DYNC1LI1: variants seen among roughly 807,000 people sequenced by gnomAD.
The protein encoded by DYNC1LI1 is cytoplasmic dynein 1 light intermediate chain 1.
A neutral mutation model predicts 63.8 loss-of-function variants in DYNC1LI1; 19 were observed. That is an observed-to-expected ratio of 0.30 (90% confidence interval 0.21 to 0.44). The LOEUF is 0.44. Among genes scored for constraint, DYNC1LI1 ranks in the 20% least tolerant of loss-of-function variants. DYNC1LI1 has a pLI of 1.00. For synonymous variants in DYNC1LI1, 225 were observed against 232.3 expected (o/e 0.97, Z 0.28); for missense variants, 565 against 630.2 (o/e 0.90, Z 1.11).
intron 4 of DYNC1LI1, among the ~76,000 whole-genome samples, chr3:32,543,638 C>CCTCGTGA (rs1697912830): frequency 6.7e-6 from 1 of 150,318 alleles, no homozygotes; most frequent in South Asian, 2.1e-4. Flanking sequence ...GAACTCCTAA[C>CCTCGTGA]CTCGTGATCC....
At chr3:32,555,135 G>A (rs1007592101) in intron 2 of DYNC1LI1, among the ~76,000 whole-genome samples, 4 of 152,122 alleles carry the variant, frequency 2.6e-5, no homozygotes, top group Non-Finnish European at 5.9e-5. Flanking sequence ...CTCCCAAAGT[G>A]CTGCAATTAT....
chr3:32,569,561 G>C (rs1698312296), intron 2 of DYNC1LI1, among the ~76,000 whole-genome samples: 1 of 152,074 alleles, frequency 6.6e-6, no homozygotes, highest in Non-Finnish European at 1.5e-5. Context: ...CGCATGTAAA[G>C]AGCTATATAG....
At chr3:32,530,641 T>TATTTATATTCACTA in intron 8 of DYNC1LI1, 121 bp from the exon 9 acceptor site, 1 of 869,074 alleles carries the variant, frequency 1.2e-6, no homozygotes, top group Middle Eastern at 3.5e-4. Context: ...ACCTATACTA[T>TATTTATATTCACTA]ATTTATATTC....
intron 2 of DYNC1LI1, among the ~76,000 whole-genome samples, chr3:32,568,208 T>G (rs76167203): frequency 6.6e-6 from 1 of 152,236 alleles, no homozygotes; most frequent in South Asian, 2.1e-4. Context: ...GGGTCAAGCA[T>G]CCTCCTGCCT....
intron 1 of DYNC1LI1, 72 bp from the exon 2 acceptor site, chr3:32,570,491 G>A: frequency 1.4e-6 from 2 of 1,481,300 alleles, no homozygotes; most frequent in Non-Finnish European, 1.8e-6. Flanking sequence ...ACCCGGCCTC[G>A]GCGCGCCGGG....
chr3:32,554,271 T>C (rs1374404210), intron 2 of DYNC1LI1, among the ~76,000 whole-genome samples: 1 of 152,242 alleles, frequency 6.6e-6, no homozygotes, highest in Non-Finnish European at 1.5e-5. Flanking sequence ...TGATGACAGC[T>C]ATTCCTCTTA....
Position 32,558,403 on chromosome 3 carries a change from TAAAAAAA to T in DYNC1LI1, c.220+11936_220+11942del, listed in dbSNP as rs533076265. ...TTATTCCCCCAACTCTTTAAAAATG[TAAAAAAA>T]AAAAAAAAAAAAAAAGAAAAGAAAA... On this transcript the variant is annotated intron_variant, in intron 2 of 12. Transcript: ENST00000273130. Among the ~76,000 whole-genome samples the T allele has an allele frequency of 7.7e-5, 7 of 90,388 alleles. 1 individual carries two copies. The East Asian group carries it at 9.0e-4, about 12-fold the overall frequency. 59.3% of individuals were successfully genotyped at this position (90,388 alleles called of 152,430 possible).
intron 12 of DYNC1LI1, 45 bp from the exon 13 acceptor site, chr3:32,526,953 A>G: frequency 7.2e-7 from 1 of 1,389,340 alleles, no homozygotes; most frequent in Admixed American, 1.8e-5. Flanking sequence ...GATATAAGTG[A>G]AAGTATCGTT....
chr3:32,542,030 T>C (rs953109159), intron 4 of DYNC1LI1, among the ~76,000 whole-genome samples: 7 of 152,172 alleles, frequency 4.6e-5, no homozygotes, highest in East Asian at 3.8e-4. Flanking sequence ...TTGTAGGAAA[T>C]AGTAACATTA....
In DYNC1LI1 at chr3:32,541,151, G is replaced by A. The variant is rs1697875458; in HGVS notation, c.624C>T (p.Pro208=). ...VEPGEDFPAS[P]QRRNTASQED... is the part of the protein sequence containing the mutation. ...CTTGTGACGCAGTATTTCTTCTCTG[G>A]GGAGAAGCCGGGAAGTCTTCTCCTG... Residue 208 remains proline, a synonymous_variant, in exon 5 of 13, where the codon CCC becomes CCT. Transcript: ENST00000273130. The A allele has an allele frequency of 6.2e-7, 1 of 1,612,018 alleles. No individual in the cohort carries two copies. Among genetic ancestry groups the A allele is most frequent in the Admixed American group, 1.7e-5 (1 of 59,856 alleles).
chr3:32,566,832 A>C (rs1030157141), intron 2 of DYNC1LI1: 1 of 318,914 alleles, frequency 3.1e-6, no homozygotes, highest in East Asian at 1.0e-4. Flanking sequence ...TGCAGTTCTT[A>C]AAAAAACAAT....
chr3:32,533,156 GTCCAAGA>G, intron 7 of DYNC1LI1, 59 bp from the exon 8 acceptor site: 3 of 1,495,376 alleles, frequency 2.0e-6, no homozygotes, highest in Non-Finnish European at 2.6e-6. Flanking sequence ...CTTTCATTCA[GTCCAAGA>G]TCATGTAAAA....
intron 5 of DYNC1LI1, chr3:32,537,402 A>G (rs904667017): frequency 2.3e-5 from 4 of 172,768 alleles, no homozygotes; most frequent in African/African-American, 9.5e-5. Flanking sequence ...AGCTTGTTCT[A>G]AGAAATCATA....
rs1026809492 is a variant in DYNC1LI1, at chr3:32,570,123, G to A, written c.220+223C>T. 96 of 680,938 alleles carry A rather than the reference G, an allele frequency of 1.4e-4. No individual in the cohort carries two copies. In the African/African-American group the frequency reaches 1.4e-3, roughly 10 times the overall value. 42.2% of individuals were successfully genotyped at this position (680,938 alleles called of 1,614,324 possible). A position where few individuals can be genotyped will look rare whatever the true frequency, so the allele number is the denominator to read the frequency against. ...CTGTCAGGGCCACCCCCATATACCG[G>A]GGAGGAGGAGGAGGAACCTGAGGGA... is the stretch of plus-strand genomic sequence containing the variant. On this transcript the variant is annotated intron_variant, in intron 2 of 12. Transcript: ENST00000273130.
At chr3:32,567,900 C>T (rs1384838485) in intron 2 of DYNC1LI1, among the ~76,000 whole-genome samples, 1 of 152,054 alleles carries the variant, frequency 6.6e-6, no homozygotes, top group Non-Finnish European at 1.5e-5. Context: ...GATGGGGTTT[C>T]ACCATATTGA....
rs1351564740 is a variant in DYNC1LI1 at position 32,529,715 on chromosome 3, A to G, written c.1186-55T>C. ...AAAACCTGAAACTTTCATTTTCACA[A>G]AAGTTATTATTGTAAAAAGAAATTA... On this transcript the variant is annotated intron_variant, in intron 10 of 12. Coordinates refer to ENST00000273130, the MANE Select transcript of DYNC1LI1 (RefSeq NM_016141.4). The G allele has an allele frequency of 4.1e-6, 6 of 1,467,112 alleles. No homozygotes were observed. In the African/African-American group the frequency reaches 4.3e-5, roughly 10 times the overall value. The allele number at this position is 1,467,112 out of a possible 1,614,324, so 90.9% of individuals were successfully genotyped here.
At position 32,526,549 on chromosome 3, in the gene DYNC1LI1, A is replaced by C. The variant is rs1251166819; in HGVS notation, c.*250T>G. The C allele has an allele frequency of 3.5e-6, 1 of 286,108 alleles. No individual in the cohort carries two copies. The highest frequency in any genetic ancestry group is 6.6e-6 in the Non-Finnish European group (1 of 152,352). The allele number at this position is 286,108 out of a possible 1,614,324, so 17.7% of individuals were successfully genotyped here. A position where few individuals can be genotyped will look rare whatever the true frequency, so the allele number is the denominator to read the frequency against. On this transcript the variant is annotated 3_prime_UTR_variant, in exon 13 of 13. Coordinates refer to ENST00000273130, the MANE Select transcript of DYNC1LI1 (RefSeq NM_016141.4). ...CAGATCTAAAAGTTTTGAGATTTTC[A>C]AAATCAAAAATTACTTTCTTATGCA...
chr3:32,526,881 G>T lies in DYNC1LI1; in HGVS notation c.1490C>A (p.Ala497Glu), dbSNP rs774215537. ...SGQKPVLDVH[A>E]ELDRITRKPV... Reference sequence around the variant, plus strand: ...TTTTCGTGTAATTCTGTCTAGTTCTGCATGAACATCTAAGACAGGCTTCTG... The same window carrying T: ...TTTTCGTGTAATTCTGTCTAGTTCTTCATGAACATCTAAGACAGGCTTCTG... The change falls in exon 13 of 13, where the codon GCA (alanine) becomes GAA (glutamate). Residue 497 changes from alanine (A) to glutamate (E), a missense_variant. By Grantham distance (107) the Ala-to-Glu change is moderately radical (BLOSUM62 -1). Coordinates refer to ENST00000273130, the MANE Select transcript of DYNC1LI1 (RefSeq NM_016141.4). 7.3e-5 allele frequency: 118 copies of T among 1,613,494 alleles called. No homozygotes were observed. Among genetic ancestry groups the T allele is most frequent in the Non-Finnish European group, 9.7e-5 (115 of 1,179,640 alleles).
chr3:32,565,771 G>A (rs560602808), intron 2 of DYNC1LI1, among the ~76,000 whole-genome samples: 1 of 152,038 alleles, frequency 6.6e-6, no homozygotes, highest in Non-Finnish European at 1.5e-5. Flanking sequence ...ACTATGTCTG[G>A]CTAATTTTTG....
Sources: allele counts gnomAD v4.1 joint callset (sites outside exome capture counted in the v4.1 genomes callset), GRCh38; gene constraint gnomAD v4.1.1; transcripts MANE v1.5; gene names NCBI Gene and HGNC (gene_info 2026-07-23, HGNC 2026-07-21).